The following MAGI2 variants were observed in gnomAD, a reference collection of about 807,000 sequenced individuals.
The protein encoded by MAGI2 is membrane associated guanylate kinase, WW and PDZ domain containing 2, also known as membrane-associated guanylate kinase, WW and PDZ domain-containing protein 2.
MAGI2 carries 35 observed loss-of-function variants against 133.3 expected under a neutral mutation model. The observed-to-expected ratio is 0.26, with a 90% CI of 0.20 to 0.35. MAGI2 has a LOEUF of 0.35. MAGI2 is among the 10% of genes least tolerant of loss of function. The pLI, the probability that MAGI2 is intolerant of heterozygous loss-of-function variation, is 1.00. For synonymous variants in MAGI2, 729 were observed against 710.6 expected (o/e 1.03, Z -0.41); for missense variants, 1,636 against 1,863.4 (o/e 0.88, Z 2.25).
At chr7:78,430,693 G>C (rs945429495) in intron 6 of MAGI2, among the ~76,000 whole-genome samples, 1 of 152,082 alleles carries the variant, frequency 6.6e-6, no homozygotes, top group Admixed American at 6.6e-5. Context: ...TGAGCTGGAA[G>C]GGACATGCCC....
At chr7:78,050,338 A>G (rs1019019) in intron 21 of MAGI2, among the ~76,000 whole-genome samples, 27,402 of 152,070 alleles carry the variant, frequency 0.18, 3,581 homozygotes, top group African/African-American at 0.36. Context: ...CCAGAATTGT[A>G]ATTTATTTAT....
intron 2 of MAGI2, among the ~76,000 whole-genome samples, chr7:78,752,245 T>C (rs970250156): frequency 6.6e-6 from 1 of 152,200 alleles, no homozygotes; most frequent in African/African-American, 2.4e-5. Context: ...GTGGATTGGA[T>C]AATGTTCTTG....
At chr7:79,316,223 C>G (rs1367471905) in intron 1 of MAGI2, among the ~76,000 whole-genome samples, 1 of 151,992 alleles carries the variant, frequency 6.6e-6, no homozygotes, top group East Asian at 1.9e-4. Context: ...CAATGTCTTT[C>G]TCTTATTTCA....
intron 5 of MAGI2, among the ~76,000 whole-genome samples, chr7:78,498,754 G>C (rs1794356660): frequency 6.6e-6 from 1 of 152,086 alleles, no homozygotes; most frequent in African/African-American, 2.4e-5. Flanking sequence ...CTGGGGGTAA[G>C]GTGGAGGGTG....
intron 2 of MAGI2, among the ~76,000 whole-genome samples, chr7:78,974,916 C>A (rs1372136121): frequency 6.6e-6 from 1 of 151,576 alleles, no homozygotes; most frequent in African/African-American, 2.4e-5. Flanking sequence ...GACTTCAAAA[C>A]AAGGAAGATT....
At chr7:78,931,856 A>G (rs1380836526) in intron 2 of MAGI2, among the ~76,000 whole-genome samples, 1 of 152,136 alleles carries the variant, frequency 6.6e-6, no homozygotes, top group Non-Finnish European at 1.5e-5. Flanking sequence ...TTCTACTTTT[A>G]AGTACAGGTT....
intron 1 of MAGI2, among the ~76,000 whole-genome samples, chr7:79,164,322 T>C (rs1164701564): frequency 1.3e-5 from 2 of 152,070 alleles, no homozygotes; most frequent in East Asian, 1.9e-4. Flanking sequence ...TTATGTAACA[T>C]AGAAGAAAAT....
At chr7:78,981,726 G>A (rs1403986079) in intron 2 of MAGI2, among the ~76,000 whole-genome samples, 2 of 151,820 alleles carry the variant, frequency 1.3e-5, no homozygotes, top group Non-Finnish European at 2.9e-5. Flanking sequence ...GGATCATAGA[G>A]GTGAATTACA....
chr7:79,218,595 C>T (rs1361491899), intron 1 of MAGI2, among the ~76,000 whole-genome samples: 7 of 151,978 alleles, frequency 4.6e-5, no homozygotes, highest in African/African-American at 1.7e-4. Flanking sequence ...TTATTCTTTT[C>T]TTACTCTCCA....
At chr7:78,570,231 G>C (rs1299396520) in intron 3 of MAGI2, among the ~76,000 whole-genome samples, 1 of 152,140 alleles carries the variant, frequency 6.6e-6, no homozygotes, top group African/African-American at 2.4e-5. Flanking sequence ...TGTTTCTACA[G>C]TTTATCTTTT....
At chr7:79,404,347 CT>C (rs1204742722) in intron 1 of MAGI2, among the ~76,000 whole-genome samples, 1 of 151,974 alleles carries the variant, frequency 6.6e-6, no homozygotes, top group Non-Finnish European at 1.5e-5. Flanking sequence ...CTACTTATTT[CT>C]GTTTAGAGAC....
intron 21 of MAGI2, among the ~76,000 whole-genome samples, chr7:78,040,390 T>G (rs1280311080): frequency 1.3e-5 from 2 of 152,162 alleles, no homozygotes; most frequent in African/African-American, 4.8e-5. Flanking sequence ...CGGCCCCTGG[T>G]CGTGCCGCAG....
intron 2 of MAGI2, among the ~76,000 whole-genome samples, chr7:78,794,093 C>T (rs1787398975): frequency 6.6e-6 from 1 of 152,180 alleles, no homozygotes. Context: ...ATGGTGGCCT[C>T]CAGTTTATAA....
intron 9 of MAGI2, among the ~76,000 whole-genome samples, chr7:78,330,477 C>T (rs1182448529): frequency 2.2e-5 from 2 of 90,722 alleles, no homozygotes; most frequent in Non-Finnish European, 4.7e-5. Flanking sequence ...ATTAGCCGGG[C>T]GAGGTGGCGG....
intron 1 of MAGI2, among the ~76,000 whole-genome samples, chr7:79,391,802 G>A (rs1367032566): frequency 6.6e-6 from 1 of 151,818 alleles, no homozygotes; most frequent in African/African-American, 2.4e-5. Context: ...TCCTGCCTCA[G>A]CCTCCCCAGC....
chr7:78,911,801 G>A (rs1293975695), intron 2 of MAGI2, among the ~76,000 whole-genome samples: 2 of 151,866 alleles, frequency 1.3e-5, no homozygotes, highest in Non-Finnish European at 2.9e-5. Context: ...TCATTATCCA[G>A]GTATTAAGCC....
intron 3 of MAGI2, among the ~76,000 whole-genome samples, chr7:78,562,910 T>A (rs1411145520): frequency 6.6e-6 from 1 of 152,080 alleles, no homozygotes; most frequent in Non-Finnish European, 1.5e-5. Flanking sequence ...AGTTCTAAAG[T>A]GAAGCTTGAA....
At chr7:78,078,653 C>A in intron 21 of MAGI2, 1 of 527,602 alleles carries the variant, frequency 1.9e-6, no homozygotes, top group Non-Finnish European at 3.3e-6. Context: ...TTAAGTGGTG[C>A]TAGATCTCCT....
chr7:78,051,747 G>C (rs1296183791), intron 21 of MAGI2, among the ~76,000 whole-genome samples: 1 of 151,840 alleles, frequency 6.6e-6, no homozygotes, highest in Non-Finnish European at 1.5e-5. Context: ...ACCATGCCCG[G>C]CTAATTTTTG....
Sources: allele counts gnomAD v4.1 joint callset (sites outside exome capture counted in the v4.1 genomes callset), GRCh38; gene constraint gnomAD v4.1.1; transcripts MANE v1.5; gene names NCBI Gene and HGNC (gene_info 2026-07-23, HGNC 2026-07-21).